The following FAM222A variants were observed in gnomAD, a reference collection of about 807,000 sequenced individuals.
The protein encoded by FAM222A is protein FAM222A.
Under a neutral mutation model 25.8 loss-of-function variants are expected in FAM222A, and 7 were observed. The observed-to-expected ratio is 0.27, with a 90% CI of 0.15 to 0.51. The LOEUF is 0.51. FAM222A is among the 20% of genes least tolerant of loss of function. The pLI is 0.97. For missense variants in FAM222A, 573 were observed against 640.5 expected, an observed-to-expected ratio of 0.89 and a Z score of 1.14; for synonymous variants, 294 against 298.8, an observed-to-expected ratio of 0.98 and a Z score of 0.17.
At chr12:109,764,602 T>C (rs554498885) in intron 2 of FAM222A, among the ~76,000 whole-genome samples, 1 of 152,344 alleles carries the variant, frequency 6.6e-6, no homozygotes, top group East Asian at 1.9e-4. Flanking sequence ...GAAGAGAGTT[T>C]AAGAGGAACA....
At chr12:109,767,506 G>T (rs1737392330) in intron 2 of FAM222A, among the ~76,000 whole-genome samples, 1 of 152,178 alleles carries the variant, frequency 6.6e-6, no homozygotes, top group African/African-American at 2.4e-5. Context: ...TAAAAGAACA[G>T]AAACGATGAA....
At position 109,768,809 on chromosome 12, in the gene FAM222A, C is replaced by G. The variant is rs780841125; in HGVS notation, c.880C>G (p.Pro294Ala). 1.7e-5 allele frequency: 26 copies of G among 1,572,880 alleles called. No individual in the cohort carries two copies. The highest frequency in any genetic ancestry group is 1.6e-5 in the Non-Finnish European group (19 of 1,165,676). ...DYLLWPQKPP[P>A]PPPQPLRAYS... is the part of the protein sequence containing the mutation. Reference sequence around the variant, plus strand: ...CCTGCTGTGGCCGCAGAAACCGCCCCCACCGCCGCCCCAGCCACTGCGTGC... The same window carrying G: ...CCTGCTGTGGCCGCAGAAACCGCCCGCACCGCCGCCCCAGCCACTGCGTGC... Residue 294 changes from proline to alanine, a missense_variant, in exon 3 of 3, where the codon CCA (proline) becomes GCA (alanine). Transcript: ENST00000538780.
At chr12:109,747,853 T>C (rs1484207066) in intron 2 of FAM222A, among the ~76,000 whole-genome samples, 1 of 152,270 alleles carries the variant, frequency 6.6e-6, no homozygotes, top group Admixed American at 6.5e-5. Flanking sequence ...TCATATGATT[T>C]ACAAATGATA....
chr12:109,741,880 G>A (rs1020660418), intron 1 of FAM222A, among the ~76,000 whole-genome samples: 1 of 152,232 alleles, frequency 6.6e-6, no homozygotes, highest in Non-Finnish European at 1.5e-5. Flanking sequence ...AAGCTCAGTG[G>A]TGAGGGGGTA....
At chr12:109,764,066 C>A (rs746813799) in intron 2 of FAM222A, among the ~76,000 whole-genome samples, 36 of 151,976 alleles carry the variant, frequency 2.4e-4, no homozygotes, top group Admixed American at 5.9e-4. Context: ...CCCATCTTTA[C>A]AAAAAATACA....
At position 109,768,707 on chromosome 12, in the gene FAM222A, G is replaced by A; in HGVS notation, c.778G>A (p.Gly260Ser). ...LPDCRKGTEL[G>S]QGATQALTLA... ...CGACTGCCGGAAAGGCACTGAGCTG[G>A]GCCAGGGAGCCACCCAAGCCTTGAC... Residue 260 changes from glycine (G) to serine (S), a missense_variant, in exon 3 of 3, where the codon GGC becomes AGC. By Grantham distance (56) the Gly-to-Ser change is moderately conservative. Coordinates refer to ENST00000538780, the MANE Select transcript of FAM222A (RefSeq NM_032829.3). 2 of 1,582,596 alleles carry A rather than the reference G, an allele frequency of 1.3e-6. No individual in the cohort carries two copies. The highest frequency in any genetic ancestry group is 1.7e-6 in the Non-Finnish European group (2 of 1,170,022).
intron 2 of FAM222A, among the ~76,000 whole-genome samples, chr12:109,748,189 T>C (rs1026175460): frequency 6.6e-6 from 1 of 152,226 alleles, no homozygotes; most frequent in Non-Finnish European, 1.5e-5. Flanking sequence ...ACTGAACTTA[T>C]TGAACTGGGG....
chr12:109,718,162 G>GC (rs1887678528), intron 1 of FAM222A, among the ~76,000 whole-genome samples: 1 of 152,076 alleles, frequency 6.6e-6, no homozygotes, highest in African/African-American at 2.4e-5. Context: ...TGTTGTCATG[G>GC]CTACTGTTAC....
At chr12:109,728,925 C>CT (rs1331404997) in intron 1 of FAM222A, among the ~76,000 whole-genome samples, 2 of 151,938 alleles carry the variant, frequency 1.3e-5, no homozygotes, top group Non-Finnish European at 2.9e-5. Flanking sequence ...CCTGAAAACT[C>CT]TGCCATCTCC....
At chr12:109,725,087 T>A (rs948829442) in intron 1 of FAM222A, among the ~76,000 whole-genome samples, 2 of 152,078 alleles carry the variant, frequency 1.3e-5, no homozygotes, top group Non-Finnish European at 2.9e-5. Context: ...GAGCTGGGAC[T>A]GGAACCCTGG....
At chr12:109,764,430 A>G (rs1888986329) in intron 2 of FAM222A, among the ~76,000 whole-genome samples, 1 of 152,074 alleles carries the variant, frequency 6.6e-6, no homozygotes, top group South Asian at 2.1e-4. Context: ...TCTTCTTCTT[A>G]AGGTTTTAAA....
intron 1 of FAM222A, chr12:109,734,074 G>A (rs1888012793): frequency 6.6e-6 from 1 of 152,182 alleles, no homozygotes; most frequent in Admixed American, 6.5e-5. Context: ...AGCTGGGTGG[G>A]GTGGTGCACA....
chr12:109,765,119 A>G (rs1889006229), intron 2 of FAM222A, among the ~76,000 whole-genome samples: 1 of 152,254 alleles, frequency 6.6e-6, no homozygotes, highest in Middle Eastern at 3.2e-3. Flanking sequence ...GCCTAGGCTC[A>G]TAGGCCTGCC....
At chr12:109,740,130 G>A (rs1286482799) in intron 1 of FAM222A, among the ~76,000 whole-genome samples, 1 of 152,182 alleles carries the variant, frequency 6.6e-6, no homozygotes, top group Non-Finnish European at 1.5e-5. Context: ...CTGCTAAGGC[G>A]AGCATCACAG....
rs1175951428 is a variant in FAM222A at position 109,769,137 on chromosome 12, G to A, written c.1208G>A (p.Ser403Asn). Reference sequence around the variant, plus strand: ...AGTGTGTGCAACACATCGGTGCTGAGCAGCAGCCTGCAGTCACTGGAGTAT... The same window carrying A: ...AGTGTGTGCAACACATCGGTGCTGAACAGCAGCCTGCAGTCACTGGAGTAT... ...SKSVCNTSVL[S>N]SSLQSLEYLI... Residue 403 changes from serine (S) to asparagine (N), a missense_variant, in exon 3 of 3, where the codon AGC becomes AAC. Physicochemically the swap from Ser to Asn is conservative, Grantham distance 46. Around this residue, in one of 3 missense-constraint regions of FAM222A, gnomAD observed 49 missense variants for 78.9 expected, o/e 0.62. Transcript: ENST00000538780. The A allele has an allele frequency of 1.1e-5, 18 of 1,612,264 alleles. No homozygotes were observed. Among genetic ancestry groups the A allele is most frequent in the Non-Finnish European group, 1.5e-5 (18 of 1,179,782 alleles).
At chr12:109,744,416 C>T (rs908411234) in intron 2 of FAM222A, 188 bp downstream of exon 2, 2 of 985,480 alleles carry the variant, frequency 2.0e-6, no homozygotes, top group Middle Eastern at 5.2e-4. Flanking sequence ...CTCCTTTGGC[C>T]AGCTCCTGTG....
intron 1 of FAM222A, among the ~76,000 whole-genome samples, chr12:109,720,687 G>C (rs990744393): frequency 5.9e-5 from 9 of 152,258 alleles, no homozygotes; most frequent in African/African-American, 2.2e-4. Flanking sequence ...TCCAGGCCAG[G>C]CTCCCTGCCA....
intron 1 of FAM222A, among the ~76,000 whole-genome samples, chr12:109,717,162 C>T (rs975042608): frequency 2.0e-5 from 3 of 152,224 alleles, no homozygotes; most frequent in Non-Finnish European, 2.9e-5. Flanking sequence ...GCTTTGTCCA[C>T]ACCAAAAGGC....
At chr12:109,757,577 G>A (rs1025128748) in intron 2 of FAM222A, among the ~76,000 whole-genome samples, 2 of 152,130 alleles carry the variant, frequency 1.3e-5, no homozygotes, top group African/African-American at 4.8e-5. Flanking sequence ...ATCATTCTTC[G>A]AAGAAAATGA....
Sources: gnomAD v4.1 joint callset for allele counts (sites outside exome capture counted in the v4.1 genomes callset) on GRCh38, gnomAD v4.1.1 for gene constraint, gnomAD v4.1.1 regional missense constraint, MANE v1.5 for transcripts, NCBI Gene and HGNC (gene_info 2026-07-23, HGNC 2026-07-21) for gene names.